XKR6: variants seen among roughly 807,000 people sequenced by gnomAD.
XKR6 encodes XK-related protein 6.
In XKR6, 22 loss-of-function variants were observed where a neutral mutation model predicts 56.7. That is an observed-to-expected ratio of 0.39 (90% CI 0.28 to 0.55). The LOEUF is 0.55. Among genes scored for constraint, XKR6 ranks in the 20% least tolerant of loss-of-function variants. The pLI is 0.66. For missense variants in XKR6, 852 were observed against 889.0 expected (o/e 0.96, Z 0.53); for synonymous variants, 524 against 387.8 (o/e 1.35, Z -4.13).
chr8:11,127,148 G>A (rs938055020), intron 1 of XKR6, among the ~76,000 whole-genome samples: 6 of 152,024 alleles, frequency 3.9e-5, no homozygotes, highest in South Asian at 2.1e-4. Flanking sequence ...ACTCCCTTCC[G>A]GCAATCCCAC....
At chr8:10,985,275 G>A (rs965541611) in intron 1 of XKR6, among the ~76,000 whole-genome samples, 1 of 152,070 alleles carries the variant, frequency 6.6e-6, no homozygotes, top group African/African-American at 2.4e-5. Context: ...TCTCATGATT[G>A]AGAATAAGTA....
intron 1 of XKR6, among the ~76,000 whole-genome samples, chr8:11,031,729 C>G (rs554494487): frequency 6.6e-6 from 1 of 152,362 alleles, no homozygotes; most frequent in Non-Finnish European, 1.5e-5. Context: ...GTGCCACCAC[C>G]TCCTCCAAAC....
chr8:11,190,174 AAAAGAAAGAAAAGAAAGAAAG>A lies in XKR6; in HGVS notation c.764+10381_764+10401del, dbSNP rs1422657531. On this transcript the variant is annotated intron_variant, in intron 1 of 2. Transcript: ENST00000416569. ...CTGTCCCAAAAAAAAAGAAAGAAAG[AAAAGAAAGAAAAGAAAGAAAG>A]AAAGAAAGAAAAGAAAGAAAGAAAG... Among the ~76,000 whole-genome samples the A allele has an allele frequency of 6.2e-4, 83 of 134,446 alleles. No individual in the cohort carries two copies. The East Asian group carries it at 0.011, about 17-fold the overall frequency. The allele number at this position is 134,446 out of a possible 152,430, so 88.2% of individuals were successfully genotyped here.
intron 2 of XKR6, among the ~76,000 whole-genome samples, chr8:10,923,642 C>A (rs1002695590): frequency 6.6e-6 from 1 of 152,234 alleles, no homozygotes; most frequent in Non-Finnish European, 1.5e-5. Flanking sequence ...AGGCCTGGGG[C>A]AGCGTGGCTG....
Position 11,164,908 on chromosome 8 carries a change from G to A in XKR6, c.764+35668C>T, listed in dbSNP as rs1282533017. Among the ~76,000 whole-genome samples the A allele has an allele frequency of 3.9e-5, 6 of 152,092 alleles. No homozygotes were observed. In the East Asian group the frequency reaches 1.2e-3, roughly 29 times the overall value. On this transcript the variant is annotated intron_variant, in intron 1 of 2. Coordinates refer to ENST00000416569, the MANE Select transcript of XKR6 (RefSeq NM_173683.4). The stretch of plus-strand genomic sequence containing the variant: ...TTTGCTTACAAATCTGTGAAACAAA[G>A]GTCATCCCACCTGCCTACCTTCCCA...
intron 1 of XKR6, among the ~76,000 whole-genome samples, chr8:11,070,635 G>A (rs996899107): frequency 2.0e-5 from 3 of 152,156 alleles, no homozygotes; most frequent in African/African-American, 7.2e-5. Context: ...GAGGTCAAAT[G>A]GGATAAAAAT....
In XKR6 at chr8:11,199,783, C is replaced by T. The variant is rs551737517; in HGVS notation, c.764+793G>A. 4.9e-4 allele frequency among the ~76,000 whole-genome samples: 75 copies of T among 152,264 alleles called. No homozygotes were observed. The South Asian group carries it at 5.8e-3, about 12-fold the overall frequency. On this transcript the variant is annotated intron_variant, in intron 1 of 2. Coordinates refer to ENST00000416569, the MANE Select transcript of XKR6 (RefSeq NM_173683.4). ...AGAAAGGGCCGCAAAGCCAAGCTTGCGTCTTGTGTAAATATAAATCACTTA... is the reference window on the plus strand; with the variant it reads ...AGAAAGGGCCGCAAAGCCAAGCTTGTGTCTTGTGTAAATATAAATCACTTA...
chr8:10,958,407 A>T (rs10098549), intron 1 of XKR6, among the ~76,000 whole-genome samples: 15,502 of 152,224 alleles, frequency 0.1, 1,592 homozygotes, highest in African/African-American at 0.26. Context: ...TGAAATCAAT[A>T]GTGACAATGG....
intron 1 of XKR6, among the ~76,000 whole-genome samples, chr8:11,089,671 T>C (rs993404980): frequency 1.3e-5 from 2 of 152,078 alleles, no homozygotes; most frequent in African/African-American, 4.8e-5. Flanking sequence ...TCAACAAATA[T>C]AAATAAAAGG....
intron 1 of XKR6, among the ~76,000 whole-genome samples, chr8:10,928,764 T>C (rs1800973514): frequency 6.6e-6 from 1 of 152,058 alleles, no homozygotes; most frequent in Admixed American, 6.5e-5. Context: ...TTGGCTGCCA[T>C]TCCTCCAAGC....
intron 2 of XKR6, among the ~76,000 whole-genome samples, chr8:10,914,628 C>A (rs1800502259): frequency 6.6e-6 from 1 of 152,166 alleles, no homozygotes; most frequent in South Asian, 2.1e-4. Context: ...TTTCTGGGAC[C>A]CAGAGAAGAT....
chr8:11,131,070 C>T lies in XKR6; in HGVS notation c.764+69506G>A, dbSNP rs535079120. 5.3e-5 allele frequency among the ~76,000 whole-genome samples: 8 copies of T among 151,984 alleles called. No individual in the cohort carries two copies. The South Asian group carries it at 1.4e-3, about 28-fold the overall frequency. On this transcript the variant is annotated intron_variant, in intron 1 of 2. Coordinates refer to ENST00000416569, the MANE Select transcript of XKR6 (RefSeq NM_173683.4). ...GATTCTGTCCCGGGGGATTTCTCTT[C>T]TAGCTGTGGATGGTAATCCTTGTTC... is the stretch of plus-strand genomic sequence containing the variant.
At chr8:11,146,119 A>G (rs1196576223) in intron 1 of XKR6, among the ~76,000 whole-genome samples, 2 of 152,220 alleles carry the variant, frequency 1.3e-5, no homozygotes, top group Non-Finnish European at 2.9e-5. Context: ...TAATAGAACA[A>G]CTGAATATTC....
chr8:10,952,871 G>A lies in XKR6; in HGVS notation c.765-28041C>T, dbSNP rs554673462. Among the ~76,000 whole-genome samples the A allele has an allele frequency of 1.4e-4, 21 of 152,262 alleles. 1 individual carries two copies. The South Asian group carries it at 2.7e-3, about 20-fold the overall frequency. ...GCACAGCAGGAGGTGAGTGGCAGGC[G>A]AGGAAGCATTACCACCTGAGCTCTG... On this transcript the variant is annotated intron_variant, in intron 1 of 2. Coordinates refer to ENST00000416569, the MANE Select transcript of XKR6 (RefSeq NM_173683.4).
chr8:10,949,756 G>A lies in XKR6; in HGVS notation c.765-24926C>T, dbSNP rs78083586. On this transcript the variant is annotated intron_variant, in intron 1 of 2. Coordinates refer to ENST00000416569, the MANE Select transcript of XKR6 (RefSeq NM_173683.4). ...AGACTATGCTGTGCCCAAAGCATGCGGAGCTCTGCGGGCAGAGGAGGGAAC... is the reference window on the plus strand; with the variant it reads ...AGACTATGCTGTGCCCAAAGCATGCAGAGCTCTGCGGGCAGAGGAGGGAAC... Among the ~76,000 whole-genome samples, 762 of 152,314 alleles carry A rather than the reference G, an allele frequency of 5.0e-3. 5 individuals are homozygous for A. Among genetic ancestry groups the A allele is most frequent in the African/African-American group, 0.017 (724 of 41,578 alleles).
At chr8:11,154,986 T>C (rs936094520) in intron 1 of XKR6, among the ~76,000 whole-genome samples, 1 of 152,188 alleles carries the variant, frequency 6.6e-6, no homozygotes, top group Admixed American at 6.5e-5. Context: ...TCAAGAAATA[T>C]AAAATGTTTT....
At chr8:11,132,786 C>CACACACACAT (rs61142313) in intron 1 of XKR6, among the ~76,000 whole-genome samples, 1 of 150,974 alleles carries the variant, frequency 6.6e-6, no homozygotes, top group Non-Finnish European at 1.5e-5. Flanking sequence ...CACACACACA[C>CACACACACAT]GCACATTTTT....
At chr8:11,091,865 C>G (rs1798083782) in intron 1 of XKR6, among the ~76,000 whole-genome samples, 1 of 152,224 alleles carries the variant, frequency 6.6e-6, no homozygotes, top group Non-Finnish European at 1.5e-5. Flanking sequence ...CCTCCTTTAT[C>G]TGACACCCAG....
chr8:10,958,374 C>T (rs961730024), intron 1 of XKR6, among the ~76,000 whole-genome samples: 1 of 152,206 alleles, frequency 6.6e-6, no homozygotes, highest in African/African-American at 2.4e-5. Flanking sequence ...TGTTCATCTT[C>T]GTTTTCACTG....
Sources: gnomAD v4.1 joint callset for allele counts (sites outside exome capture counted in the v4.1 genomes callset) on GRCh38, gnomAD v4.1.1 for gene constraint, MANE v1.5 for transcripts, NCBI Gene and HGNC (gene_info 2026-07-23, HGNC 2026-07-21) for gene names.